Variants in CHRDL1 observed in about 807,000 individuals in gnomAD.
CHRDL1 encodes chordin-like protein 1.
Under a neutral mutation model 40.9 loss-of-function variants are expected in CHRDL1, and 19 were observed. The ratio of observed to expected loss-of-function variants is 0.46; its 90% CI spans 0.32 to 0.68. The LOEUF (loss-of-function observed/expected upper bound fraction) is 0.68, where lower values mean the gene tolerates loss of function less well. Ranked by LOEUF, CHRDL1 falls within the 30% of genes least tolerant of loss-of-function variation. The pLI, the probability that CHRDL1 is intolerant of heterozygous loss-of-function variation, is 0.03. For missense variants in CHRDL1, 329 were observed against 352.1 expected (o/e 0.93, Z 0.53); for synonymous variants, 136 against 123.4 (o/e 1.10, Z -0.68).
At chrX:110,725,762 C>T (rs766220636) in intron 4 of CHRDL1, among the ~76,000 whole-genome samples, 4 of 112,093 alleles carry the variant, frequency 3.6e-5, no homozygotes, top group African/African-American at 1.3e-4. Context: ...ATCTCCTTGA[C>T]GCCAAGCCAT....
chrX:110,771,631 A>T (rs1391869305), intron 2 of CHRDL1, among the ~76,000 whole-genome samples: 1 of 111,981 alleles, frequency 8.9e-6, no homozygotes. Flanking sequence ...AAAATTCTAC[A>T]TCCATTCATG....
At chrX:110,707,759 A>G (rs766576780) in intron 6 of CHRDL1, among the ~76,000 whole-genome samples, 1 of 112,242 alleles carries the variant, frequency 8.9e-6, no homozygotes, top group East Asian at 2.8e-4. Flanking sequence ...CTAAAACACC[A>G]AAAGCAATGG....
intron 6 of CHRDL1, among the ~76,000 whole-genome samples, chrX:110,701,241 G>C (rs2070506817): frequency 9.0e-6 from 1 of 110,942 alleles, no homozygotes; most frequent in Admixed American, 9.6e-5. Flanking sequence ...TCAGCCTCTA[G>C]AGCAACAAAC....
intron 4 of CHRDL1, among the ~76,000 whole-genome samples, chrX:110,726,546 C>T (rs190715205): frequency 5.7e-4 from 64 of 111,914 alleles, no homozygotes; most frequent in Middle Eastern, 4.6e-3. Flanking sequence ...TTTTGTTATA[C>T]CAGTTCAAAC....
chrX:110,723,976 C>T (rs988725038), intron 4 of CHRDL1, among the ~76,000 whole-genome samples: 2 of 112,329 alleles, frequency 1.8e-5, no homozygotes, highest in African/African-American at 3.2e-5. Flanking sequence ...CTAAGAGGCC[C>T]TGCCCCTGCC....
intron 6 of CHRDL1, among the ~76,000 whole-genome samples, chrX:110,708,365 A>T (rs1028841317): frequency 6.3e-5 from 7 of 111,342 alleles, no homozygotes; most frequent in Non-Finnish European, 1.3e-4. Context: ...AGCACCATTC[A>T]CAATAGCAAG....
intron 8 of CHRDL1, among the ~76,000 whole-genome samples, chrX:110,691,260 T>G (rs1025755606): frequency 4.8e-5 from 5 of 104,908 alleles, no homozygotes; most frequent in Non-Finnish European, 7.8e-5. Flanking sequence ...GGATGCAGGC[T>G]GAGGGGCCTA....
At chrX:110,697,929 C>CAACTTAG (rs764979595) in intron 7 of CHRDL1, among the ~76,000 whole-genome samples, 1 of 105,835 alleles carries the variant, frequency 9.4e-6, no homozygotes, top group South Asian at 4.5e-4. Context: ...TGAGAAATTA[C>CAACTTAG]AACTTAGAAA....
chrX:110,713,218 G>A (rs1215068053), intron 6 of CHRDL1, among the ~76,000 whole-genome samples: 2 of 111,411 alleles, frequency 1.8e-5, no homozygotes, highest in Non-Finnish European at 3.8e-5. Flanking sequence ...TGGCACAGTT[G>A]CAATTTTATA....
chrX:110,681,950 A>C (rs2069907840), intron 9 of CHRDL1, among the ~76,000 whole-genome samples: 1 of 111,783 alleles, frequency 8.9e-6, no homozygotes, highest in Non-Finnish European at 1.9e-5. Flanking sequence ...TGTCACTGAG[A>C]AGTGGACTTT....
chrX:110,757,497 G>A (rs1245053390), intron 4 of CHRDL1, among the ~76,000 whole-genome samples: 1 of 111,625 alleles, frequency 9.0e-6, no homozygotes, highest in East Asian at 2.8e-4. Flanking sequence ...GTGCTGAGGG[G>A]AGATGAACAT....
At chrX:110,745,139 C>T (rs1005657383) in intron 4 of CHRDL1, among the ~76,000 whole-genome samples, 7 of 111,391 alleles carry the variant, frequency 6.3e-5, no homozygotes, top group Non-Finnish European at 1.3e-4. Flanking sequence ...GGTTCTCTGC[C>T]CAAAGACTCT....
At chrX:110,771,699 C>CA (rs1602406062) in intron 2 of CHRDL1, among the ~76,000 whole-genome samples, 2 of 111,469 alleles carry the variant, frequency 1.8e-5, no homozygotes, top group Non-Finnish European at 3.8e-5. Context: ...AGGGCATCTA[C>CA]AAAAAACCTA....
chrX:110,712,424 C>T (rs771350146), intron 6 of CHRDL1, among the ~76,000 whole-genome samples: 1 of 111,108 alleles, frequency 9.0e-6, no homozygotes, highest in South Asian at 3.8e-4. Flanking sequence ...AGCCAGCCAG[C>T]CTAAAGGAGA....
chrX:110,688,841 G>A (rs2070082753), intron 8 of CHRDL1, 38 bp from the exon 9 acceptor site: 1 of 1,033,482 alleles, frequency 9.7e-7, no homozygotes, highest in Non-Finnish European at 1.4e-6. Context: ...AAAAGCTAAG[G>A]AGCTAAAATG....
intron 2 of CHRDL1, among the ~76,000 whole-genome samples, chrX:110,791,564 C>T (rs1276788510): frequency 1.8e-5 from 2 of 112,257 alleles, no homozygotes; most frequent in Non-Finnish European, 3.8e-5. Context: ...AATTTGCTAA[C>T]GGTCCCTGGA....
intron 2 of CHRDL1, among the ~76,000 whole-genome samples, chrX:110,771,286 C>T (rs778226515): frequency 1.8e-5 from 2 of 111,904 alleles, no homozygotes; most frequent in Admixed American, 1.9e-4. Context: ...TTCTACCAAA[C>T]CCTTCCAGAA....
intron 4 of CHRDL1, among the ~76,000 whole-genome samples, chrX:110,740,512 G>A (rs2071341745): frequency 8.9e-6 from 1 of 112,405 alleles, no homozygotes; most frequent in South Asian, 3.7e-4. Context: ...ATAATGACAG[G>A]CACCAACCTA....
intron 4 of CHRDL1, among the ~76,000 whole-genome samples, chrX:110,738,706 C>T (rs755665234): frequency 1.9e-5 from 2 of 104,954 alleles, no homozygotes; most frequent in African/African-American, 7.1e-5. Context: ...TGCGCCACTA[C>T]ACTCCAGCCT....
Sources: allele counts gnomAD v4.1 joint callset (sites outside exome capture counted in the v4.1 genomes callset), GRCh38; gene constraint gnomAD v4.1.1; transcripts MANE v1.5; gene names NCBI Gene and HGNC (gene_info 2026-07-23, HGNC 2026-07-21).